WNK1: variants seen among roughly 807,000 people sequenced by gnomAD.
The protein encoded by WNK1 is WNK lysine deficient protein kinase 1.
Under a neutral mutation model 222.8 loss-of-function variants are expected in WNK1, and 38 were observed. The ratio of observed to expected loss-of-function variants is 0.17; its 90% CI spans 0.13 to 0.22. The LOEUF is 0.22. Among genes scored for constraint, WNK1 ranks in the 10% least tolerant of loss-of-function variants. The pLI is 1.00. For synonymous variants in WNK1, 1,090 were observed against 1,092.9 expected (o/e 1.00, Z 0.05); for missense variants, 2,348 against 2,918.4 (o/e 0.80, Z 4.50).
chr12:785,207 T>C (rs1944145694), intron 1 of WNK1, among the ~76,000 whole-genome samples: 1 of 152,184 alleles, frequency 6.6e-6, no homozygotes, highest in Non-Finnish European at 1.5e-5. Context: ...ATTTCAGCAA[T>C]GTGCCTTGGT....
intron 1 of WNK1, among the ~76,000 whole-genome samples, chr12:803,472 C>T (rs1037125309): frequency 3.3e-5 from 5 of 152,146 alleles, no homozygotes; most frequent in South Asian, 2.1e-4. Flanking sequence ...GGTATTATTT[C>T]ATAGAAAATA....
intron 8 of WNK1, among the ~76,000 whole-genome samples, chr12:867,503 C>T (rs1951774505): frequency 1.3e-5 from 2 of 152,190 alleles, no homozygotes; most frequent in Admixed American, 1.3e-4. Context: ...TCTTACTCTT[C>T]CTTTAACTCT....
chr12:853,743 T>C (rs1046015287), intron 4 of WNK1, among the ~76,000 whole-genome samples: 4 of 152,214 alleles, frequency 2.6e-5, no homozygotes, highest in African/African-American at 9.6e-5. Flanking sequence ...ATGTATGTGC[T>C]TATGGAAGAA....
chr12:907,696 C>A, intron 26 of WNK1, 151 bp from the exon 27 acceptor site: 1 of 952,298 alleles, frequency 1.1e-6, no homozygotes, highest in Non-Finnish European at 1.7e-6. Context: ...AATGGCTAAA[C>A]AAAACCTTGG....
Position 887,213 on chromosome 12 carries a change from G to C in WNK1, c.5281-8G>C. The C allele has an allele frequency of 6.2e-7, 1 of 1,613,960 alleles. No homozygotes were observed. The highest frequency in any genetic ancestry group is 2.2e-5 in the East Asian group (1 of 44,878). Reference sequence around the variant, plus strand: ...TCACGGACTTGATTTTCCCTTTGTTGTCTGTAGGTGCTGCCAGTGGGTACT... The same window carrying C: ...TCACGGACTTGATTTTCCCTTTGTTCTCTGTAGGTGCTGCCAGTGGGTACT... On this transcript the variant is annotated splice_region_variant and splice_polypyrimidine_tract_variant and intron_variant, in intron 19 of 27. Coordinates refer to ENST00000315939, the MANE Select transcript of WNK1 (RefSeq NM_018979.4).
At chr12:793,966 C>T (rs1394512956) in intron 1 of WNK1, among the ~76,000 whole-genome samples, 1 of 152,112 alleles carries the variant, frequency 6.6e-6, no homozygotes, top group Non-Finnish European at 1.5e-5. Flanking sequence ...CCTACTATGT[C>T]TCTAGATTTG....
At chr12:906,484 G>A in intron 26 of WNK1, 1 of 985,278 alleles carries the variant, frequency 1.0e-6, no homozygotes, top group Non-Finnish European at 1.2e-6. Context: ...TTGCTGTTCT[G>A]GGAAGAGTGG....
At chr12:837,038 T>G (rs576222344) in intron 4 of WNK1, among the ~76,000 whole-genome samples, 64 of 152,306 alleles carry the variant, frequency 4.2e-4, no homozygotes, top group Middle Eastern at 3.4e-3. Context: ...AAAGAAAAAC[T>G]TCAGCCAAAT....
intron 1 of WNK1, among the ~76,000 whole-genome samples, chr12:762,590 G>A (rs1941172409): frequency 6.8e-6 from 1 of 147,182 alleles, no homozygotes; most frequent in Non-Finnish European, 1.5e-5. Context: ...AAAGTAGAGA[G>A]TAACTGAAGA....
Position 868,521 on chromosome 12 carries a change from C to T in WNK1, c.2140-2744C>T, listed in dbSNP as rs778022120. ...TCTCCCCTCTCTAGTATTTCTGCAC[C>T]TATCAGTACAGATGCTACACGTTTG... On this transcript the variant is annotated intron_variant, in intron 8 of 27. Coordinates refer to ENST00000315939, the MANE Select transcript of WNK1 (RefSeq NM_018979.4). 1.2e-6 allele frequency: 2 copies of T among 1,613,924 alleles called. No individual in the cohort carries two copies. Among genetic ancestry groups the T allele is most frequent in the Non-Finnish European group, 8.5e-7 (1 of 1,179,820 alleles).
chr12:885,388 A>G lies in WNK1; in HGVS notation c.4584A>G (p.Ser1528=). The part of the protein sequence containing the change: ...LAETVVVSAH[S]LDKTSHSSTT... ...AAACCGTGGTAGTTAGCGCACACTC[A>G]CTAGATAAGACATCTCATAGCAGTA... The change falls in exon 19 of 28, where the codon TCA becomes TCG. Residue 1528 remains serine (S), a synonymous_variant. Coordinates refer to ENST00000315939, the MANE Select transcript of WNK1 (RefSeq NM_018979.4). 6.2e-7 allele frequency: 1 copy of G among 1,613,692 alleles called. No homozygotes were observed. Among genetic ancestry groups the G allele is most frequent in the East Asian group, 2.2e-5 (1 of 44,886 alleles).
intron 10 of WNK1, 24 bp from the exon 11 acceptor site, chr12:879,549 T>G: frequency 6.7e-7 from 1 of 1,489,688 alleles, no homozygotes. Flanking sequence ...AGCCTGTCTG[T>G]TTTGTTTTTC....
intron 1 of WNK1, among the ~76,000 whole-genome samples, chr12:789,158 G>T (rs1944604742): frequency 6.6e-6 from 1 of 152,046 alleles, no homozygotes; most frequent in African/African-American, 2.4e-5. Context: ...AAGATTCTTA[G>T]CCCATAATTT....
intron 1 of WNK1, among the ~76,000 whole-genome samples, chr12:783,016 G>C (rs1943886265): frequency 6.6e-6 from 1 of 151,644 alleles, no homozygotes; most frequent in African/African-American, 2.4e-5. Context: ...CGATCCTCCA[G>C]CCTTAGCTTT....
At chr12:897,392 G>A (rs1164555578) in intron 24 of WNK1, 87 bp from the exon 25 acceptor site, 3 of 896,650 alleles carry the variant, frequency 3.3e-6, no homozygotes, top group Non-Finnish European at 3.7e-6. Flanking sequence ...CTACATACTT[G>A]AAAGCAGGTT....
In WNK1 at chr12:862,229, G is replaced by T; in HGVS notation, c.2098G>T (p.Ala700Ser). ...VPGHIPSTVQ[A>S]QSQPHGVYPP... ...AGGGCATATACCTTCTACTGTCCAAGCACAGTCTCAGCCCCATGGGGTATA... is the reference window on the plus strand; with the variant it reads ...AGGGCATATACCTTCTACTGTCCAATCACAGTCTCAGCCCCATGGGGTATA... The change falls in exon 8 of 28, where the codon GCA becomes TCA. Residue 700 changes from alanine to serine, a missense_variant. By Grantham distance (99) the Ala-to-Ser change is moderately conservative. Around this residue, in one of 13 missense-constraint regions of WNK1, gnomAD observed 547 missense variants for 558.3 expected, o/e 0.98. Coordinates refer to ENST00000315939, the MANE Select transcript of WNK1 (RefSeq NM_018979.4). 1 of 1,614,088 alleles carries T rather than the reference G, an allele frequency of 6.2e-7. No homozygotes were observed. The highest frequency in any genetic ancestry group is 8.5e-7 in the Non-Finnish European group (1 of 1,179,976).
At position 753,469 on chromosome 12, in the gene WNK1, C is replaced by A. The variant is rs1939489704; in HGVS notation, c.-97C>A. On this transcript the variant is annotated 5_prime_UTR_variant, in exon 1 of 28. Transcript: ENST00000315939. The surrounding 1 kb of genome is among the most constrained non-coding windows in gnomAD (Gnocchi z 5.2). Reference sequence around the variant, plus strand: ...CCGGGTCGGCGCGAACCCGCCCGGCCGCGGTTCCCTGCAGACCTCTGCGCG... The same window carrying A: ...CCGGGTCGGCGCGAACCCGCCCGGCAGCGGTTCCCTGCAGACCTCTGCGCG... 2 of 1,541,122 alleles carry A rather than the reference C, an allele frequency of 1.3e-6. No homozygotes were observed. Among genetic ancestry groups the A allele is most frequent in the South Asian group, 1.2e-5 (1 of 86,200 alleles).
rs756013641 is a variant in WNK1, at chr12:857,158, C to T, written c.1312-3C>T. 1.2e-6 allele frequency: 2 copies of T among 1,613,952 alleles called. No individual in the cohort carries two copies. Among genetic ancestry groups the T allele is most frequent in the African/African-American group, 1.3e-5 (1 of 75,026 alleles). On this transcript the variant is annotated splice_region_variant and splice_polypyrimidine_tract_variant and intron_variant, in intron 4 of 27. Transcript: ENST00000315939. ...TTAATGTATTTCTGTTTATGGTTTT[C>T]AGGGGGTGAAGCCAGCCAGTTTTGA... is the stretch of plus-strand genomic sequence containing the variant.
At chr12:801,215 T>C (rs916799353) in intron 1 of WNK1, among the ~76,000 whole-genome samples, 6 of 152,242 alleles carry the variant, frequency 3.9e-5, no homozygotes, top group African/African-American at 1.4e-4. Flanking sequence ...TCATTCTGAA[T>C]TGTAAGCCCC....
Sources: allele counts gnomAD v4.1 joint callset (sites outside exome capture counted in the v4.1 genomes callset), GRCh38; gene constraint gnomAD v4.1.1; regional missense constraint gnomAD v4.1.1; non-coding constraint Gnocchi (gnomAD v3.1); transcripts MANE v1.5; gene names NCBI Gene and HGNC (gene_info 2026-07-23, HGNC 2026-07-21).